TPTE2: variants seen among roughly 807,000 people sequenced by gnomAD.
TPTE2 encodes phosphatidylinositol 3,4,5-trisphosphate 3-phosphatase TPTE2.
TPTE2 carries 53 observed loss-of-function variants against 78.6 expected under a neutral mutation model. The ratio of observed to expected loss-of-function variants is 0.67; its 90% CI spans 0.54 to 0.85. The LOEUF is 0.85. Among genes scored for constraint, TPTE2 ranks in the 40% least tolerant of loss-of-function variants. The pLI is 0.00. For missense variants in TPTE2, 461 were observed against 623.0 expected (o/e 0.74, Z 2.77); for synonymous variants, 175 against 206.2 (o/e 0.85, Z 1.30).
intron 17 of TPTE2, among the ~76,000 whole-genome samples, chr13:19,428,055 T>C (rs1876272579): frequency 1.3e-5 from 2 of 152,122 alleles, no homozygotes; most frequent in South Asian, 4.1e-4. Flanking sequence ...AGGTAGAAAT[T>C]GAATTGGGCA....
upstream of TPTE2, among the ~76,000 whole-genome samples, chr13:19,505,039 CAT>C (rs1868907122): frequency 6.6e-6 from 1 of 152,134 alleles, no homozygotes; most frequent in African/African-American, 2.4e-5. Flanking sequence ...GTTGGACACA[CAT>C]ATAATTCTAA....
At chr13:19,526,559 C>T (rs1250765840) in intron 1 of TPTE2, among the ~76,000 whole-genome samples, 2 of 151,972 alleles carry the variant, frequency 1.3e-5, no homozygotes, top group Non-Finnish European at 2.9e-5. Flanking sequence ...ACATTGGGGC[C>T]TACTTGAGGG....
In TPTE2 at chr13:19,527,175, G is replaced by A. The variant is rs774370187; in HGVS notation, c.-44+9421C>T. Among the ~76,000 whole-genome samples the A allele has an allele frequency of 1.6e-4, 25 of 152,176 alleles. 1 individual carries two copies. The highest frequency in any genetic ancestry group is 4.6e-4 in the African/African-American group (19 of 41,428). On this transcript the variant is annotated intron_variant, in intron 1 of 17. Transcript: ENST00000390680. ...CCAGATACCAGAGGCTGGGAAGTGC[G>A]TGTCGGTTGGCAGGGAAGAGTGGTT...
chr13:19,553,188 A>C, the TPTE2 span, among the ~76,000 whole-genome samples: 2 of 152,192 alleles, frequency 1.3e-5, no homozygotes, highest in African/African-American at 4.8e-5. Context: ...TTTATGCATT[A>C]GTGCATGTCA....
intron 6 of TPTE2, among the ~76,000 whole-genome samples, chr13:19,468,531 C>T (rs1879427675): frequency 6.6e-6 from 1 of 152,096 alleles, no homozygotes; most frequent in African/African-American, 2.4e-5. Flanking sequence ...GGTATCTACC[C>T]AGCAGTGGGA....
chr13:19,528,574 A>T (rs1412850260), intron 1 of TPTE2, among the ~76,000 whole-genome samples: 1 of 152,232 alleles, frequency 6.6e-6, no homozygotes, highest in African/African-American at 2.4e-5. Flanking sequence ...ACAGGTATAG[A>T]CAAGACTGTT....
chr13:19,533,284 C>G (rs1476506115), intron 1 of TPTE2, among the ~76,000 whole-genome samples: 1 of 152,140 alleles, frequency 6.6e-6, no homozygotes, highest in African/African-American at 2.4e-5. Flanking sequence ...GGACTAAATA[C>G]AGAGAAATTA....
rs370979800 is a variant in TPTE2 at position 19,464,441 on chromosome 13, G to A, written c.741+15C>T. On this transcript the variant is annotated intron_variant, in intron 10 of 19. Transcript: ENST00000400230. ...TTCACTGAGAAATGAGTATTTGTCA[G>A]ATAAAGACCCTTACCTCAATTGGAT... is the stretch of plus-strand genomic sequence containing the variant. The A allele has an allele frequency of 5.6e-6, 9 of 1,604,678 alleles. No homozygotes were observed. The East Asian group carries it at 1.1e-4, about 20-fold the overall frequency.
At chr13:19,425,672 T>G in intron 18 of TPTE2, 1 of 505,900 alleles carries the variant, frequency 2.0e-6, no homozygotes, top group South Asian at 1.4e-5. Context: ...CAAATTAGAC[T>G]TCCCCTCAGG....
chr13:19,529,536 G>A (rs75919437), intron 1 of TPTE2, among the ~76,000 whole-genome samples: 8 of 152,140 alleles, frequency 5.3e-5, no homozygotes, highest in Non-Finnish European at 8.8e-5. Flanking sequence ...TCAGCCCATC[G>A]AACTCAGAAA....
chr13:19,461,933 C>CGTTTTTT (rs1566050175), intron 10 of TPTE2, among the ~76,000 whole-genome samples: 1 of 134,342 alleles, frequency 7.4e-6, no homozygotes, highest in African/African-American at 2.8e-5. Context: ...ACAGTTGGGT[C>CGTTTTTT]TTTTTTTTTT....
the TPTE2 span, among the ~76,000 whole-genome samples, chr13:19,549,087 T>C: frequency 1.5e-5 from 2 of 135,156 alleles, no homozygotes; most frequent in Admixed American, 7.9e-5. Context: ...CCCACTGTGC[T>C]CCCCTCCACA....
At chr13:19,532,424 A>C (rs963812912) in intron 1 of TPTE2, among the ~76,000 whole-genome samples, 1 of 152,122 alleles carries the variant, frequency 6.6e-6, no homozygotes, top group Non-Finnish European at 1.5e-5. Flanking sequence ...AGGACAAAGT[A>C]TTCTTCCCCC....
At chr13:19,441,236 G>A (rs1877474866) in intron 13 of TPTE2, among the ~76,000 whole-genome samples, 1 of 152,074 alleles carries the variant, frequency 6.6e-6, no homozygotes, top group African/African-American at 2.4e-5. Context: ...TGGATATCAA[G>A]GTGGCAATAA....
At chr13:19,429,547 T>C (rs1433871031) in intron 17 of TPTE2, among the ~76,000 whole-genome samples, 3 of 152,206 alleles carry the variant, frequency 2.0e-5, no homozygotes, top group Non-Finnish European at 4.4e-5. Flanking sequence ...TGCTCATAAA[T>C]AGCTGTTCAG....
intron 13 of TPTE2, among the ~76,000 whole-genome samples, chr13:19,448,965 G>A (rs1878009452): frequency 6.6e-6 from 1 of 152,160 alleles, no homozygotes; most frequent in Non-Finnish European, 1.5e-5. Flanking sequence ...CAGCCTTAGA[G>A]GATATCCTGT....
At chr13:19,544,123 G>C in the TPTE2 span, among the ~76,000 whole-genome samples, 1 of 102,152 alleles carries the variant, frequency 9.8e-6, no homozygotes, top group African/African-American at 3.3e-5. Flanking sequence ...AAAATGAATA[G>C]AAAATAATAC....
chr13:19,462,598 AGTGGT>A (rs1878995937), intron 10 of TPTE2, among the ~76,000 whole-genome samples: 1 of 149,996 alleles, frequency 6.7e-6, no homozygotes, highest in Non-Finnish European at 1.5e-5. Flanking sequence ...GCTGTAGTGC[AGTGGT>A]GTGATCTTGG....
intron 15 of TPTE2, among the ~76,000 whole-genome samples, chr13:19,433,440 T>C (rs1004740478): frequency 6.6e-6 from 1 of 152,106 alleles, no homozygotes; most frequent in African/African-American, 2.4e-5. Context: ...GAGGTCGAGG[T>C]TGCAGTGAGC....
Sources: allele counts gnomAD v4.1 joint callset (sites outside exome capture counted in the v4.1 genomes callset), GRCh38; gene constraint gnomAD v4.1.1; transcripts MANE v1.5; gene names NCBI Gene and HGNC (gene_info 2026-07-23, HGNC 2026-07-21).